Variants in BPIFB1 observed in about 807,000 individuals in gnomAD.
BPIFB1 encodes BPI fold containing family B member 1, also known as BPI fold-containing family B member 1.
Under a neutral mutation model 55.1 loss-of-function variants are expected in BPIFB1, and 34 were observed. The ratio of observed to expected loss-of-function variants is 0.62; its 90% CI spans 0.47 to 0.82. The LOEUF (loss-of-function observed/expected upper bound fraction) is 0.82. Among genes scored for constraint, BPIFB1 ranks in the 40% least tolerant of loss-of-function variants. BPIFB1 has a pLI of 0.00. For missense variants in BPIFB1, 532 were observed against 593.1 expected, an observed-to-expected ratio of 0.90 and a Z score of 1.07; for synonymous variants, 236 against 245.3, an observed-to-expected ratio of 0.96 and a Z score of 0.35.
chr20:33,289,941 A>G lies in BPIFB1; in HGVS notation c.314A>G (p.Asp105Gly). The change falls in exon 4 of 16, where the codon GAC becomes GGC. Residue 105 changes from aspartate (D) to glycine (G), a missense_variant. Coordinates refer to ENST00000253354, the MANE Select transcript of BPIFB1 (RefSeq NM_033197.3). ...CTGCAGGTGAAGCCCTCGGCCAATGACCAGGAGCTGCTAGTCAAGATCCCC... is the reference window on the plus strand; with the variant it reads ...CTGCAGGTGAAGCCCTCGGCCAATGGCCAGGAGCTGCTAGTCAAGATCCCC... The part of the protein sequence containing the change: ...LQLQVKPSAN[D>G]QELLVKIPLD... 1 of 1,614,198 alleles carries G rather than the reference A, an allele frequency of 6.2e-7. No homozygotes were observed. Among genetic ancestry groups the G allele is most frequent in the South Asian group, 1.1e-5 (1 of 91,082 alleles).
intron 1 of BPIFB1, among the ~76,000 whole-genome samples, chr20:33,284,340 C>A (rs138507022): frequency 6.6e-6 from 1 of 152,284 alleles, no homozygotes; most frequent in Non-Finnish European, 1.5e-5. Flanking sequence ...TAACACTAAC[C>A]TTTTCAGCTT....
chr20:33,302,829 A>G (rs1980895909), intron 10 of BPIFB1, 87 bp from the exon 11 acceptor site: 1 of 1,483,214 alleles, frequency 6.7e-7, no homozygotes, highest in Non-Finnish European at 9.2e-7. Flanking sequence ...GGAGCCCAGG[A>G]AGGCAGGCAG....
Position 33,303,012 on chromosome 20 carries a change from C to G in BPIFB1, c.1078C>G (p.Leu360Val). 1 of 1,614,214 alleles carries G rather than the reference C, an allele frequency of 6.2e-7. No individual in the cohort carries two copies. Among genetic ancestry groups the G allele is most frequent in the South Asian group, 1.1e-5 (1 of 91,084 alleles). The change falls in exon 11 of 16, where the codon CTG (leucine) becomes GTG (valine). Residue 360 changes from leucine (L) to valine (V), a missense_variant. By Grantham distance (32) the Leu-to-Val change is conservative. Transcript: ENST00000253354. ...IDQGHAKVAQLIVLEVFPSSE... is the reference protein window; with the variant it reads ...IDQGHAKVAQVIVLEVFPSSE... ...CCAAGGCCATGCCAAGGTGGCCCAA[C>G]TGATCGTGCTGGAAGTGTTTCCCTC...
In BPIFB1 at chr20:33,290,009, T is replaced by A; in HGVS notation, c.365+17T>A. On this transcript the variant is annotated intron_variant, in intron 4 of 15. Coordinates refer to ENST00000253354, the MANE Select transcript of BPIFB1 (RefSeq NM_033197.3). ...ATTCAACACGTGAGTGACCCCTCCATCAAGTACAGTAGGCTTGACAGGCTC... is the reference window on the plus strand; with the variant it reads ...ATTCAACACGTGAGTGACCCCTCCAACAAGTACAGTAGGCTTGACAGGCTC... 2 of 1,595,032 alleles carry A rather than the reference T, an allele frequency of 1.3e-6. No homozygotes were observed. Among genetic ancestry groups the A allele is most frequent in the South Asian group, 1.1e-5 (1 of 90,718 alleles).
chr20:33,308,253 C>T (rs1981099093), intron 15 of BPIFB1, among the ~76,000 whole-genome samples: 1 of 152,202 alleles, frequency 6.6e-6, no homozygotes, highest in Non-Finnish European at 1.5e-5. Context: ...TCAGCTTAGA[C>T]CCCACCTCCA....
In BPIFB1 at chr20:33,301,183, T is replaced by TA. The variant is rs1226209974; in HGVS notation, c.748-48dup. On this transcript the variant is annotated intron_variant, in intron 8 of 15. Coordinates refer to ENST00000253354, the MANE Select transcript of BPIFB1 (RefSeq NM_033197.3). ...CATTTCCTTCTAGGTTGCTATTGGG[T>TA]AAGCTGCAGAGTTAAAATTCTTAGC... 3 of 1,559,808 alleles carry TA rather than the reference T, an allele frequency of 1.9e-6. No homozygotes were observed. In the East Asian group the frequency reaches 6.8e-5, roughly 35 times the overall value.
intron 15 of BPIFB1, chr20:33,307,298 A>G: frequency 3.2e-6 from 1 of 313,730 alleles, no homozygotes; most frequent in East Asian, 6.5e-5. Context: ...TGAGTGCTTG[A>G]GGCCACCGAA....
intron 6 of BPIFB1, among the ~76,000 whole-genome samples, chr20:33,294,094 G>A (rs556170678): frequency 1.3e-5 from 2 of 152,278 alleles, no homozygotes; most frequent in South Asian, 4.1e-4. Context: ...TAAAGCTTAA[G>A]AGTAGCATGT....
At position 33,289,954 on chromosome 20, in the gene BPIFB1, A is replaced by G; in HGVS notation, c.327A>G (p.Leu109=). ...CCTCGGCCAATGACCAGGAGCTGCT[A>G]GTCAAGATCCCCCTGGACATGGTGG... ...VKPSANDQEL[L]VKIPLDMVAG... The change falls in exon 4 of 16, where the codon CTA becomes CTG. Residue 109 remains leucine (L), a synonymous_variant. Transcript: ENST00000253354. 2 of 1,614,200 alleles carry G rather than the reference A, an allele frequency of 1.2e-6. No individual in the cohort carries two copies.
In BPIFB1 at chr20:33,290,971, C is replaced by T. The variant is rs201691568; in HGVS notation, c.380C>T (p.Thr127Ile). The T allele has an allele frequency of 1.4e-5, 22 of 1,613,916 alleles. No homozygotes were observed. The highest frequency in any genetic ancestry group is 4.5e-5 in the East Asian group (2 of 44,878). Residue 127 changes from threonine to isoleucine, a missense_variant, in exon 5 of 16, where the codon ACC becomes ATC. Physicochemically the swap from Thr to Ile is moderately conservative, Grantham distance 89. Transcript: ENST00000253354. ...VAGFNTPLVK[T>I]IVEFHMTTEA... ...CCACCCGCTAGGCCCCTGGTCAAGACCATCGTGGAGTTCCACATGACGACT... is the reference window on the plus strand; with the variant it reads ...CCACCCGCTAGGCCCCTGGTCAAGATCATCGTGGAGTTCCACATGACGACT...
chr20:33,306,725 A>G, intron 14 of BPIFB1, 186 bp from the exon 15 acceptor site: 1 of 606,756 alleles, frequency 1.6e-6, no homozygotes, highest in Non-Finnish European at 3.0e-6. Flanking sequence ...AGCCAGTGCC[A>G]GAGGCAAAGG....
In BPIFB1 at chr20:33,285,452, G is replaced by A. The variant is rs187265493; in HGVS notation, c.-41-581G>A. ...ATACAGGCTGGGCGCGGTGGCTCAC[G>A]CCTGTAATCCCAGCACTTTGGGAGG... On this transcript the variant is annotated intron_variant, in intron 1 of 15. Transcript: ENST00000253354. Among the ~76,000 whole-genome samples, 318 of 151,672 alleles carry A rather than the reference G, an allele frequency of 2.1e-3. 2 individuals are homozygous for A. Among genetic ancestry groups the A allele is most frequent in the African/African-American group, 7.1e-3 (291 of 41,058 alleles).
At chr20:33,291,845 T>G in intron 5 of BPIFB1, 62 bp from the exon 6 acceptor site, 1 of 1,451,892 alleles carries the variant, frequency 6.9e-7, no homozygotes. Context: ...CTCTGTAAAA[T>G]AGAGGAAGGG....
Position 33,289,875 on chromosome 20 carries a change from C to T in BPIFB1, c.258-10C>T. The T allele has an allele frequency of 1.2e-6, 2 of 1,612,054 alleles. No homozygotes were observed. The highest frequency in any genetic ancestry group is 1.1e-5 in the South Asian group (1 of 91,036). On this transcript the variant is annotated splice_polypyrimidine_tract_variant and intron_variant, in intron 3 of 15. Transcript: ENST00000253354. ...AGGCATGATTCTGATCTCTCCTAAACCCCATCCAGGCTGAAGGTCATCACA... is the reference window on the plus strand; with the variant it reads ...AGGCATGATTCTGATCTCTCCTAAATCCCATCCAGGCTGAAGGTCATCACA...
At chr20:33,291,394 T>C (rs1980467905) in intron 5 of BPIFB1, among the ~76,000 whole-genome samples, 1 of 152,032 alleles carries the variant, frequency 6.6e-6, no homozygotes, top group South Asian at 2.1e-4. Flanking sequence ...CCAGGGCAGG[T>C]GTAGGTGGAG....
chr20:33,289,380 TCAAAAAAAAAAAAA>T (rs1270098686), intron 3 of BPIFB1, among the ~76,000 whole-genome samples: 38 of 84,390 alleles, frequency 4.5e-4, no homozygotes, highest in Non-Finnish European at 5.5e-4. Context: ...AGATTCTGTC[TCAAAAAAAAAAAAA>T]CAAAAAAAAA....
Position 33,290,968 on chromosome 20 carries a change from A to G in BPIFB1, c.377A>G (p.Lys126Arg), listed in dbSNP as rs1467267883. Residue 126 changes from lysine (K) to arginine (R), a missense_variant, in exon 5 of 16, where the codon AAG becomes AGG. By Grantham distance (26) the Lys-to-Arg change is conservative. Transcript: ENST00000253354. ...MVAGFNTPLVKTIVEFHMTTE... is the reference protein window; with the variant it reads ...MVAGFNTPLVRTIVEFHMTTE... ...CCTCCACCCGCTAGGCCCCTGGTCAAGACCATCGTGGAGTTCCACATGACG... is the reference window on the plus strand; with the variant it reads ...CCTCCACCCGCTAGGCCCCTGGTCAGGACCATCGTGGAGTTCCACATGACG... 2 of 1,613,762 alleles carry G rather than the reference A, an allele frequency of 1.2e-6. No individual in the cohort carries two copies. Among genetic ancestry groups the G allele is most frequent in the African/African-American group, 2.7e-5 (2 of 74,934 alleles).
chr20:33,299,389 T>C (rs1038594688), intron 7 of BPIFB1, among the ~76,000 whole-genome samples: 16 of 152,224 alleles, frequency 1.1e-4, no homozygotes, highest in Non-Finnish European at 2.1e-4. Context: ...GAGTAGATGT[T>C]ACCAGGCCTC....
chr20:33,307,618 A>T (rs184624070), intron 15 of BPIFB1: 1 of 152,870 alleles, frequency 6.5e-6, no homozygotes, highest in East Asian at 1.9e-4. Flanking sequence ...ACACTGCTAT[A>T]AAGAAATACC....
Sources: gnomAD v4.1 joint callset for allele counts (sites outside exome capture counted in the v4.1 genomes callset) on GRCh38, gnomAD v4.1.1 for gene constraint, MANE v1.5 for transcripts, NCBI Gene and HGNC (gene_info 2026-07-23, HGNC 2026-07-21) for gene names.